The following CASP9 variants were observed in gnomAD, a reference collection of about 807,000 sequenced individuals.
The protein encoded by CASP9 is caspase-9.
A neutral mutation model predicts 43.5 loss-of-function variants in CASP9; 29 were observed. That is an observed-to-expected ratio of 0.67 (90% CI 0.50 to 0.91). The LOEUF (loss-of-function observed/expected upper bound fraction) is 0.91, where lower values mean the gene tolerates loss of function less well. CASP9 is among the 40% of genes least tolerant of loss of function. The pLI, the probability that CASP9 is intolerant of heterozygous loss-of-function variation, is 0.00. For missense variants in CASP9, 575 were observed against 537.4 expected, an observed-to-expected ratio of 1.07 and a Z score of -0.69; for synonymous variants, 206 against 211.9, an observed-to-expected ratio of 0.97 and a Z score of 0.24.
At chr1:15,518,874 GTT>G (rs67264894) in intron 1 of CASP9, among the ~76,000 whole-genome samples, 1 of 148,716 alleles carries the variant, frequency 6.7e-6, no homozygotes, top group Non-Finnish European at 1.5e-5. Flanking sequence ...TTTTGTTTTT[GTT>G]TTTTTTTTTT....
At chr1:15,497,988 T>C (rs1189533396) in intron 6 of CASP9, among the ~76,000 whole-genome samples, 2 of 152,194 alleles carry the variant, frequency 1.3e-5, no homozygotes, top group Non-Finnish European at 2.9e-5. Flanking sequence ...ACATACACCC[T>C]CACATGCGTG....
At chr1:15,504,408 AG>A (rs1709438751) in intron 6 of CASP9, among the ~76,000 whole-genome samples, 1 of 152,282 alleles carries the variant, frequency 6.6e-6, no homozygotes, top group African/African-American at 2.4e-5. Context: ...GCCATGAAAC[AG>A]AAGACTCTGA....
intron 6 of CASP9, among the ~76,000 whole-genome samples, chr1:15,497,310 A>G (rs760749567): frequency 9.2e-4 from 75 of 81,626 alleles, no homozygotes; most frequent in Non-Finnish European, 2.0e-3. Context: ...GACTCCATCT[A>G]AAAAAAAAAA....
intron 2 of CASP9, among the ~76,000 whole-genome samples, chr1:15,510,033 C>T (rs1557546901): frequency 6.6e-6 from 1 of 152,050 alleles, no homozygotes; most frequent in Non-Finnish European, 1.5e-5. Context: ...TGGGTTCAAG[C>T]GATTCTCCTG....
chr1:15,506,981 G>A lies in CASP9; in HGVS notation c.548C>T (p.Ser183Phe). ...RESGLRTRTG[S>F]NIDCEKLRRR... ...CCGCAACTTCTCACAGTCGATGTTG[G>A]AGCCAGTGCGGGTGCGGAGCCCGGA... Residue 183 changes from serine (S) to phenylalanine (F), a missense_variant, in exon 4 of 9, where the codon TCC (serine) becomes TTC (phenylalanine). By Grantham distance (155) the Ser-to-Phe change is radical (BLOSUM62 -2). Coordinates refer to ENST00000333868, the MANE Select transcript of CASP9 (RefSeq NM_001229.5). The A allele has an allele frequency of 6.2e-7, 1 of 1,614,196 alleles. No homozygotes were observed.
intron 8 of CASP9, 29 bp from the exon 9 acceptor site, chr1:15,493,064 T>G: frequency 1.2e-6 from 2 of 1,613,244 alleles, no homozygotes; most frequent in Non-Finnish European, 1.7e-6. Flanking sequence ...GAGAGCTCTG[T>G]GAGTTCAGTT....
chr1:15,501,062 G>T (rs781279662), intron 6 of CASP9, among the ~76,000 whole-genome samples: 4 of 152,182 alleles, frequency 2.6e-5, no homozygotes, highest in African/African-American at 9.7e-5. Flanking sequence ...AAAACTCCCC[G>T]TAGGGCAGGA....
intron 1 of CASP9, 35 bp from the exon 2 acceptor site, chr1:15,518,430 A>G: frequency 6.3e-7 from 1 of 1,593,792 alleles, no homozygotes; most frequent in Non-Finnish European, 8.6e-7. Context: ...CTAATTATCC[A>G]CGTACTTTTA....
chr1:15,509,983 T>C (rs1383322047), intron 2 of CASP9, among the ~76,000 whole-genome samples: 1 of 152,032 alleles, frequency 6.6e-6, no homozygotes, highest in Non-Finnish European at 1.5e-5. Flanking sequence ...CAGGCTGGAG[T>C]GCAGTGGCGC....
chr1:15,511,107 C>T (rs984189448), intron 2 of CASP9, among the ~76,000 whole-genome samples: 3 of 150,574 alleles, frequency 2.0e-5, no homozygotes, highest in Non-Finnish European at 4.4e-5. Flanking sequence ...GGTGCGGAGG[C>T]GAGAAAAAAA....
At position 15,506,066 on chromosome 1, in the gene CASP9, G is replaced by C; in HGVS notation, c.644C>G (p.Ala215Gly). 1 of 1,613,560 alleles carries C rather than the reference G, an allele frequency of 6.2e-7. No homozygotes were observed. ...GTCCTGCTGCGCCAGCTCCAGCAAA[G>C]CCAGCACCATTTTCTACAAGAGAGG... ...GDLTAKKMVLALLELAQQDHG... is the reference protein window; with the variant it reads ...GDLTAKKMVLGLLELAQQDHG... Residue 215 changes from alanine (A) to glycine (G), a missense_variant, in exon 5 of 9, where the codon GCT becomes GGT. Transcript: ENST00000333868.
chr1:15,522,555 A>T (rs529945583), intron 1 of CASP9, among the ~76,000 whole-genome samples: 19 of 151,818 alleles, frequency 1.3e-4, no homozygotes, highest in East Asian at 9.7e-4. Flanking sequence ...CAAAAAAAAA[A>T]TTTTTTTTAA....
intron 1 of CASP9, among the ~76,000 whole-genome samples, chr1:15,518,736 T>C (rs999687591): frequency 6.6e-6 from 1 of 152,202 alleles, no homozygotes; most frequent in Non-Finnish European, 1.5e-5. Flanking sequence ...GAGGATATCA[T>C]GAAGTGAATA....
At chr1:15,523,221 G>A (rs1402152593) in intron 1 of CASP9, among the ~76,000 whole-genome samples, 1 of 152,266 alleles carries the variant, frequency 6.6e-6, no homozygotes, top group Non-Finnish European at 1.5e-5. Context: ...GAACACAGAA[G>A]GGGCTGGCCA....
rs564945677 is a variant in CASP9, at chr1:15,521,761, C to T, written c.132+2308G>A. 5.3e-5 allele frequency among the ~76,000 whole-genome samples: 8 copies of T among 152,244 alleles called. 1 individual carries two copies. In the South Asian group the frequency reaches 1.7e-3, roughly 32 times the overall value. ...CCACGTCTAGGTGGTAGTGGTCCCC[C>T]GGGCCCAGCTGTCTTTTTTTCTATC... On this transcript the variant is annotated intron_variant, in intron 1 of 8. Coordinates refer to ENST00000333868, the MANE Select transcript of CASP9 (RefSeq NM_001229.5).
At chr1:15,494,795 A>G (rs1251122762) in intron 7 of CASP9, among the ~76,000 whole-genome samples, 2 of 143,492 alleles carry the variant, frequency 1.4e-5, no homozygotes, top group Admixed American at 1.4e-4. Context: ...CCCGGGATGC[A>G]GAGCTTGCAG....
chr1:15,505,984 TCCTA>T lies in CASP9; in HGVS notation c.720+2_720+5del. 1.2e-6 allele frequency: 2 copies of T among 1,612,272 alleles called. No individual in the cohort carries two copies. Among genetic ancestry groups the T allele is most frequent in the Non-Finnish European group, 1.7e-6 (2 of 1,178,300 alleles). ...CCTGCCCAGGGAACAGTGGGAGGCTTCCTACCTGACAGCCGTGAGAGAGAATGAC... is the reference window on the plus strand; with the variant it reads ...CCTGCCCAGGGAACAGTGGGAGGCTTCCTGACAGCCGTGAGAGAGAATGAC... On this transcript the variant is annotated splice_donor_variant and splice_donor_5th_base_variant and intron_variant, in intron 5 of 8. Transcript: ENST00000333868. LOFTEE classifies it high-confidence loss of function.
intron 6 of CASP9, among the ~76,000 whole-genome samples, chr1:15,496,064 T>G (rs974262946): frequency 1.3e-5 from 2 of 152,234 alleles, no homozygotes; most frequent in Non-Finnish European, 2.9e-5. Context: ...GGCATAGACC[T>G]GTCTCCTGGG....
intron 1 of CASP9, among the ~76,000 whole-genome samples, chr1:15,521,750 T>C (rs1380100275): frequency 6.6e-6 from 1 of 152,058 alleles, no homozygotes; most frequent in Admixed American, 6.6e-5. Flanking sequence ...GTCTAGGTGG[T>C]AGTGGTCCCC....
Sources: allele counts gnomAD v4.1 joint callset (sites outside exome capture counted in the v4.1 genomes callset), GRCh38; gene constraint gnomAD v4.1.1; transcripts MANE v1.5; gene names NCBI Gene and HGNC (gene_info 2026-07-23, HGNC 2026-07-21).